The following PDE6A variants were observed in gnomAD, a reference collection of about 807,000 sequenced individuals.
PDE6A encodes the protein rod cGMP-specific 3',5'-cyclic phosphodiesterase subunit alpha.
A neutral mutation model predicts 106.3 loss-of-function variants in PDE6A; 84 were observed. That is an observed-to-expected ratio of 0.79 (90% CI 0.66 to 0.95). The LOEUF is 0.95. PDE6A is among the 40% of genes least tolerant of loss of function. The pLI, the probability that PDE6A is intolerant of heterozygous loss-of-function variation, is 0.00. For missense variants in PDE6A, 1,052 were observed against 1,084.9 expected (o/e 0.97, Z 0.43); for synonymous variants, 394 against 386.6 (o/e 1.02, Z -0.23).
At position 149,896,511 on chromosome 5, in the gene PDE6A, G is replaced by C. The variant is rs774009419; in HGVS notation, c.1474-9C>G. The C allele has an allele frequency of 1.2e-6, 2 of 1,614,162 alleles. No individual in the cohort carries two copies. The highest frequency in any genetic ancestry group is 1.7e-6 in the Non-Finnish European group (2 of 1,180,042). ...TCTGGCAGCTCCGCTTGCTGTATAA[G>C]GAATAGAGTCAGGTGATTAGGAAAC... On this transcript the variant is annotated splice_polypyrimidine_tract_variant and intron_variant, in intron 11 of 21. Coordinates refer to ENST00000255266, the MANE Select transcript of PDE6A (RefSeq NM_000440.3).
intron 17 of PDE6A, among the ~76,000 whole-genome samples, chr5:149,882,051 AAAATAAATAAATAAATAAATAAAT>A (rs150887967): frequency 1.4e-5 from 2 of 144,302 alleles, no homozygotes; most frequent in Non-Finnish European, 3.0e-5. Flanking sequence ...CCCTGTCTCA[AAAATAAATAAATAAATAAATAAAT>A]AAATAAATAA....
Position 149,859,529 on chromosome 5 carries a change from G to C in PDE6A, c.*1366C>G, listed in dbSNP as rs962056978. The stretch of plus-strand genomic sequence containing the variant: ...GAAGTCGAGTTGGGATGTGAGCCCA[G>C]CGACAGCCTTAGTGGACCCCACGAG... On this transcript the variant is annotated 3_prime_UTR_variant, in exon 22 of 22. Coordinates refer to ENST00000255266, the MANE Select transcript of PDE6A (RefSeq NM_000440.3). The C allele has an allele frequency of 2.6e-5, 4 of 152,364 alleles. No individual in the cohort carries two copies. Among genetic ancestry groups the C allele is most frequent in the African/African-American group, 9.6e-5 (4 of 41,474 alleles). 9.4% of individuals were successfully genotyped at this position (152,364 alleles called of 1,614,324 possible). A position where few individuals can be genotyped will look rare whatever the true frequency, so the allele number is the denominator to read the frequency against.
chr5:149,917,182 T>A (rs1443916274), intron 5 of PDE6A, among the ~76,000 whole-genome samples: 1 of 152,104 alleles, frequency 6.6e-6, no homozygotes, highest in Admixed American at 6.6e-5. Context: ...TTTATCATAT[T>A]TTTAAAAGTA....
chr5:149,898,221 T>G (rs1047056849), intron 10 of PDE6A, 142 bp downstream of exon 10: 2 of 710,128 alleles, frequency 2.8e-6, no homozygotes, highest in African/African-American at 3.5e-5. Context: ...TGCATCCCTG[T>G]GCTAGGCAGG....
At chr5:149,902,112 G>A (rs1752999206) in intron 8 of PDE6A, among the ~76,000 whole-genome samples, 1 of 152,172 alleles carries the variant, frequency 6.6e-6, no homozygotes, top group Admixed American at 6.5e-5. Context: ...GTTCCTTGGT[G>A]TGCCTTTCCA....
chr5:149,895,344 G>A, intron 12 of PDE6A, 54 bp from the exon 13 acceptor site: 1 of 1,258,628 alleles, frequency 7.9e-7, no homozygotes, highest in Non-Finnish European at 1.2e-6. Flanking sequence ...GGTCTCATGA[G>A]GGTTGGAATA....
At chr5:149,918,245 G>A (rs1753611570) in intron 5 of PDE6A, among the ~76,000 whole-genome samples, 1 of 152,180 alleles carries the variant, frequency 6.6e-6, no homozygotes, top group African/African-American at 2.4e-5. Context: ...GATGATGTAA[G>A]GTCTCTTATT....
intron 4 of PDE6A, among the ~76,000 whole-genome samples, chr5:149,922,172 G>T (rs775900501): frequency 7.9e-5 from 12 of 152,038 alleles, no homozygotes; most frequent in Non-Finnish European, 1.0e-4. Flanking sequence ...TGTTACAGAC[G>T]TGTGTGTGCT....
At chr5:149,925,967 C>T (rs550531178) in intron 4 of PDE6A, among the ~76,000 whole-genome samples, 1 of 152,074 alleles carries the variant, frequency 6.6e-6, no homozygotes, top group South Asian at 2.1e-4. Context: ...GGAGGCTAGG[C>T]ATGGTGGCTC....
chr5:149,869,870 G>T (rs1374469218), intron 17 of PDE6A, among the ~76,000 whole-genome samples: 1 of 152,124 alleles, frequency 6.6e-6, no homozygotes, highest in Non-Finnish European at 1.5e-5. Flanking sequence ...GAAGGCTGGG[G>T]CTCTGAACCT....
chr5:149,944,444 C>G lies in PDE6A; in HGVS notation c.230G>C (p.Cys77Ser). Reference sequence around the variant, plus strand: ...CAGCTTCTTCATGACATTGAAGATGCATTTCTCTGTCTGTAAATTCTCCTG... The same window carrying G: ...CAGCTTCTTCATGACATTGAAGATGGATTTCTCTGTCTGTAAATTCTCCTG... ...DFQENLQTEK[C>S]IFNVMKKLCF... Residue 77 changes from cysteine (C) to serine (S), a missense_variant, in exon 1 of 22, where the codon TGC becomes TCC. Physicochemically the swap from Cys to Ser is moderately radical, Grantham distance 112. Coordinates refer to ENST00000255266, the MANE Select transcript of PDE6A (RefSeq NM_000440.3). 6.2e-7 allele frequency: 1 copy of G among 1,614,068 alleles called. No homozygotes were observed.
chr5:149,866,153 G>A lies in PDE6A; in HGVS notation c.2358+17C>T, dbSNP rs1354254425. Reference sequence around the variant, plus strand: ...ATCAAAGACATCTTGTTGCGGCTGAGGAAGCCAAGGGCCTACCTTGTAGAC... The same window carrying A: ...ATCAAAGACATCTTGTTGCGGCTGAAGAAGCCAAGGGCCTACCTTGTAGAC... On this transcript the variant is annotated intron_variant, in intron 20 of 21. Coordinates refer to ENST00000255266, the MANE Select transcript of PDE6A (RefSeq NM_000440.3). 1 of 1,591,468 alleles carries A rather than the reference G, an allele frequency of 6.3e-7. No individual in the cohort carries two copies. The highest frequency in any genetic ancestry group is 1.1e-5 in the South Asian group (1 of 90,612).
chr5:149,935,929 A>G (rs1309623791), intron 1 of PDE6A, among the ~76,000 whole-genome samples: 5 of 152,166 alleles, frequency 3.3e-5, no homozygotes, highest in Non-Finnish European at 7.4e-5. Flanking sequence ...AGGTGGGAGT[A>G]TTGCTTGCGT....
intron 17 of PDE6A, among the ~76,000 whole-genome samples, chr5:149,874,555 C>T (rs530014872): frequency 2.0e-4 from 30 of 152,178 alleles, no homozygotes; most frequent in African/African-American, 6.7e-4. Flanking sequence ...TTGTATGGAG[C>T]TTTTTTTGTT....
At chr5:149,923,632 A>C (rs893819537) in intron 4 of PDE6A, among the ~76,000 whole-genome samples, 4 of 152,154 alleles carry the variant, frequency 2.6e-5, no homozygotes, top group Admixed American at 2.6e-4. Context: ...GAAGAGGAAA[A>C]AGAGCCAGCA....
intron 8 of PDE6A, among the ~76,000 whole-genome samples, chr5:149,901,264 C>T (rs954514658): frequency 1.3e-5 from 2 of 152,160 alleles, no homozygotes; most frequent in Non-Finnish European, 2.9e-5. Flanking sequence ...CGCAGTGGCT[C>T]ACGCCTGTAA....
intron 17 of PDE6A, among the ~76,000 whole-genome samples, chr5:149,871,459 C>T (rs2113518939): frequency 6.6e-6 from 1 of 152,038 alleles, no homozygotes; most frequent in Non-Finnish European, 1.5e-5. Flanking sequence ...GAGAGAGTGC[C>T]TCTGGAGCTG....
At position 149,860,857 on chromosome 5, in the gene PDE6A, A is replaced by G. The variant is rs1760108860; in HGVS notation, c.*38T>C. 1.3e-6 allele frequency: 2 copies of G among 1,552,550 alleles called. No individual in the cohort carries two copies. The highest frequency in any genetic ancestry group is 2.2e-5 in the South Asian group (2 of 89,714). On this transcript the variant is annotated 3_prime_UTR_variant, in exon 22 of 22. Coordinates refer to ENST00000255266, the MANE Select transcript of PDE6A (RefSeq NM_000440.3). ...TGGCTTGAGTCATCTCTTCCCAGGA[A>G]AGGGTGGTGCCGTCCAGCCAGCACA...
intron 1 of PDE6A, among the ~76,000 whole-genome samples, chr5:149,936,126 C>T (rs1754173177): frequency 7.2e-6 from 1 of 139,362 alleles, no homozygotes; most frequent in South Asian, 2.2e-4. Context: ...TGCACTTTAC[C>T]CTGGGTGACA....
Sources: allele counts gnomAD v4.1 joint callset (sites outside exome capture counted in the v4.1 genomes callset), GRCh38; gene constraint gnomAD v4.1.1; transcripts MANE v1.5; gene names NCBI Gene and HGNC (gene_info 2026-07-23, HGNC 2026-07-21).